Variants in RAB10 observed in about 807,000 individuals in gnomAD.
RAB10 encodes ras-related protein Rab-10.
RAB10 carries 5 observed loss-of-function variants against 25.7 expected under a neutral mutation model. The observed-to-expected ratio is 0.19, with a 90% CI of 0.10 to 0.41. The LOEUF is 0.41. Among genes scored for constraint, RAB10 ranks in the 10% least tolerant of loss-of-function variants. The pLI is 1.00. For synonymous variants in RAB10, 89 were observed against 86.4 expected (o/e 1.03, Z -0.16); for missense variants, 103 against 245.8 (o/e 0.42, Z 3.89).
chr2:26,036,425 C>A (rs1241857056), intron 1 of RAB10, among the ~76,000 whole-genome samples: 1 of 152,068 alleles, frequency 6.6e-6, no homozygotes, highest in African/African-American at 2.4e-5. Context: ...CTTTGGGAGG[C>A]CTTGGCGGGC....
intron 1 of RAB10, among the ~76,000 whole-genome samples, chr2:26,046,122 C>T (rs763645748): frequency 2.0e-5 from 3 of 152,088 alleles, no homozygotes; most frequent in Admixed American, 6.6e-5. Context: ...GTCGGGAGTT[C>T]GAGACCAGCC....
Position 26,034,135 on chromosome 2 carries a change from C to G in RAB10, c.-474C>G, listed in dbSNP as rs1046078210. Reference sequence around the variant, plus strand: ...GAGAGGGCACGGGGAAAAGGTGGCTCTGGCCGGGGTGGCTCGGTTTCCTGG... The same window carrying G: ...GAGAGGGCACGGGGAAAAGGTGGCTGTGGCCGGGGTGGCTCGGTTTCCTGG... On this transcript the variant is annotated 5_prime_UTR_variant, in exon 1 of 6. Transcript: ENST00000264710. The G allele has an allele frequency of 1.2e-5, 5 of 404,932 alleles. No individual in the cohort carries two copies. Among genetic ancestry groups the G allele is most frequent in the African/African-American group, 2.1e-5 (1 of 48,666 alleles). 25.1% of individuals were successfully genotyped at this position (404,932 alleles called of 1,614,324 possible).
intron 1 of RAB10, among the ~76,000 whole-genome samples, chr2:26,036,579 A>C (rs1337702756): frequency 6.6e-6 from 1 of 151,780 alleles, no homozygotes; most frequent in African/African-American, 2.4e-5. Context: ...GAATCACTTG[A>C]ACCTGGGAGG....
At chr2:26,062,140 A>G (rs978940924) in intron 1 of RAB10, among the ~76,000 whole-genome samples, 1 of 152,160 alleles carries the variant, frequency 6.6e-6, no homozygotes, top group South Asian at 2.1e-4. Flanking sequence ...TAATATATAC[A>G]TCTGTTTTTG....
At chr2:26,133,177 A>C (rs956338161) in intron 5 of RAB10, among the ~76,000 whole-genome samples, 4 of 152,198 alleles carry the variant, frequency 2.6e-5, no homozygotes, top group African/African-American at 9.6e-5. Context: ...AAATATTTTT[A>C]AAATATTTTA....
chr2:26,090,588 T>C (rs1213454582), intron 1 of RAB10, among the ~76,000 whole-genome samples: 1 of 152,042 alleles, frequency 6.6e-6, no homozygotes, highest in African/African-American at 2.4e-5. Context: ...TTTGCTTTTC[T>C]AATTTATTAT....
At position 26,094,853 on chromosome 2, in the gene RAB10, C is replaced by G. The variant is rs1042702295; in HGVS notation, c.128-3809C>G. 2.6e-5 allele frequency among the ~76,000 whole-genome samples: 4 copies of G among 152,340 alleles called. No homozygotes were observed. The East Asian group carries it at 5.8e-4, about 22-fold the overall frequency. The stretch of plus-strand genomic sequence containing the variant: ...GGATAACGGGCGTGAGCCACTGTGC[C>G]CGGCCCCACTTAGTAATTTTAATCA... On this transcript the variant is annotated intron_variant, in intron 1 of 5. Transcript: ENST00000264710.
intron 1 of RAB10, among the ~76,000 whole-genome samples, chr2:26,065,156 G>T (rs1425768207): frequency 2.0e-5 from 3 of 151,980 alleles, no homozygotes. Flanking sequence ...TGAGTATTCA[G>T]TGTGTTTGTT....
chr2:26,124,389 C>CTTTTTTTTTTTTTTTTTTGTTTTTTTTTT (rs1667864759), intron 3 of RAB10, among the ~76,000 whole-genome samples: 1 of 19,666 alleles, frequency 5.1e-5, no homozygotes, highest in Non-Finnish European at 8.5e-5. Flanking sequence ...GTTGTTGTTG[C>CTTTTTTTTTTTTTTTTTTGTTTTTTTTTT]TTTTTTTTTT....
intron 1 of RAB10, among the ~76,000 whole-genome samples, chr2:26,085,363 G>A (rs1420467755): frequency 6.6e-6 from 1 of 151,500 alleles, no homozygotes; most frequent in East Asian, 1.9e-4. Context: ...GGTGACGCGC[G>A]CCTGGTATTC....
chr2:26,068,488 T>G (rs900817741), intron 1 of RAB10, among the ~76,000 whole-genome samples: 8 of 152,224 alleles, frequency 5.3e-5, no homozygotes, highest in Admixed American at 3.9e-4. Context: ...ATTTAATCTT[T>G]AAGGATTATG....
chr2:26,123,951 A>G (rs1667854722), intron 3 of RAB10, among the ~76,000 whole-genome samples: 1 of 152,188 alleles, frequency 6.6e-6, no homozygotes, highest in African/African-American at 2.4e-5. Flanking sequence ...CTGAGACAGC[A>G]AGACCAACCC....
chr2:26,034,299 C>T lies in RAB10; in HGVS notation c.-310C>T, dbSNP rs1665707492. On this transcript the variant is annotated 5_prime_UTR_variant, in exon 1 of 6. Transcript: ENST00000264710. ...CGACGGCAGAGCAGGCTTGCTCGCC[C>T]GTGGGAGCGTCCCGGCCGAGAAGCC... The T allele has an allele frequency of 3.6e-6, 2 of 548,428 alleles. No homozygotes were observed. Among genetic ancestry groups the T allele is most frequent in the Non-Finnish European group, 6.5e-6 (2 of 307,370 alleles). The allele number at this position is 548,428 out of a possible 1,614,324, so 34.0% of individuals were successfully genotyped here.
intron 1 of RAB10, among the ~76,000 whole-genome samples, chr2:26,077,987 TAAATA>T (rs917433858): frequency 2.5e-4 from 38 of 151,376 alleles, no homozygotes; most frequent in African/African-American, 8.5e-4. Flanking sequence ...TAAAAAAAAA[TAAATA>T]AAAAAGGTAA....
intron 3 of RAB10, among the ~76,000 whole-genome samples, chr2:26,111,349 A>G (rs1028319616): frequency 1.5e-4 from 23 of 152,178 alleles, no homozygotes; most frequent in African/African-American, 5.6e-4. Flanking sequence ...TCACGCCTGT[A>G]ATCCCAGCAC....
intron 1 of RAB10, among the ~76,000 whole-genome samples, chr2:26,048,374 A>G (rs368710285): frequency 9.2e-5 from 14 of 152,186 alleles, no homozygotes; most frequent in Non-Finnish European, 1.6e-4. Context: ...AGCATTTGAT[A>G]ATGTTATCAT....
chr2:26,083,108 T>A (rs1289901007), intron 1 of RAB10, among the ~76,000 whole-genome samples: 1 of 152,206 alleles, frequency 6.6e-6, no homozygotes, highest in African/African-American at 2.4e-5. Context: ...TAACACACTT[T>A]AATGGCAGAG....
chr2:26,108,881 ATT>A (rs1559595388), intron 2 of RAB10, among the ~76,000 whole-genome samples: 12 of 6,378 alleles, frequency 1.9e-3, no homozygotes, highest in Middle Eastern at 0.12. Context: ...TTTGCTTTAT[ATT>A]TATTTATTTA....
At chr2:26,119,735 C>A (rs1418283204) in intron 3 of RAB10, among the ~76,000 whole-genome samples, 2 of 152,132 alleles carry the variant, frequency 1.3e-5, no homozygotes, top group Non-Finnish European at 2.9e-5. Context: ...CCCTGGCTGG[C>A]CTCAAATTCT....
Sources: gnomAD v4.1 joint callset for allele counts (sites outside exome capture counted in the v4.1 genomes callset) on GRCh38, gnomAD v4.1.1 for gene constraint, MANE v1.5 for transcripts, NCBI Gene and HGNC (gene_info 2026-07-23, HGNC 2026-07-21) for gene names.